The following CFAP107 variants were observed in gnomAD, a reference collection of about 807,000 sequenced individuals.
The protein encoded by CFAP107 is cilia and flagella associated protein 107, also known as cilia- and flagella-associated protein 107.
At chr1:12,755,179 C>T in the CFAP107 span, among the ~76,000 whole-genome samples, 15 of 151,960 alleles carry the variant, frequency 9.9e-5, no homozygotes, top group Non-Finnish European at 1.6e-4. Flanking sequence ...GGCCGAGGCA[C>T]GTGGATCACA....
At chr1:12,758,925 A>G in the CFAP107 span, among the ~76,000 whole-genome samples, 4 of 152,192 alleles carry the variant, frequency 2.6e-5, no homozygotes, top group African/African-American at 7.2e-5. Flanking sequence ...CCTTGCCCTT[A>G]GGAACAGGCT....
the CFAP107 span, among the ~76,000 whole-genome samples, chr1:12,758,444 T>C: frequency 6.6e-6 from 1 of 152,182 alleles, no homozygotes; most frequent in East Asian, 1.9e-4. Flanking sequence ...TACCTGGTGA[T>C]GTGGATCTTG....
At chr1:12,746,959 T>C in the CFAP107 span, among the ~76,000 whole-genome samples, 1 of 152,086 alleles carries the variant, frequency 6.6e-6, no homozygotes, top group African/African-American at 2.4e-5. Context: ...CTTCCCAGAA[T>C]ATGGTATCTC....
At chr1:12,760,649 C>A in the CFAP107 span, 4 of 1,019,638 alleles carry the variant, frequency 3.9e-6, no homozygotes, top group Non-Finnish European at 5.7e-6. Flanking sequence ...GCCTTGGTCC[C>A]TGACAGAGCA....
chr1:12,759,207 A>G, the CFAP107 span: 11 of 1,349,062 alleles, frequency 8.2e-6, no homozygotes, highest in Non-Finnish European at 1.1e-5. Flanking sequence ...CGCTCTCTCC[A>G]TCAGCACCAC....
the CFAP107 span, among the ~76,000 whole-genome samples, chr1:12,753,127 A>C: frequency 6.6e-6 from 1 of 152,216 alleles, no homozygotes; most frequent in Non-Finnish European, 1.5e-5. Flanking sequence ...AGTAACATCA[A>C]AAAATAAAGT....
At chr1:12,755,780 G>C in the CFAP107 span, 1 of 1,613,680 alleles carries the variant, frequency 6.2e-7, no homozygotes, top group Non-Finnish European at 8.5e-7. Flanking sequence ...GACCAGACCA[G>C]ATCTCCAGGT....
At chr1:12,754,610 ACC>A in the CFAP107 span, among the ~76,000 whole-genome samples, 10 of 152,366 alleles carry the variant, frequency 6.6e-5, no homozygotes, top group Admixed American at 6.5e-5. Flanking sequence ...CAACCCAAGT[ACC>A]CACTGATGGA....
At chr1:12,754,972 G>A in the CFAP107 span, among the ~76,000 whole-genome samples, 76 of 152,346 alleles carry the variant, frequency 5.0e-4, no homozygotes, top group African/African-American at 1.6e-3. Flanking sequence ...TCACTGAACC[G>A]TAGAGTTGAA....
chr1:12,759,214 C>A, the CFAP107 span: 1 of 1,419,084 alleles, frequency 7.0e-7, no homozygotes, highest in African/African-American at 1.4e-5. Context: ...TCCATCAGCA[C>A]CACAGACCCC....
At chr1:12,746,645 C>T in the CFAP107 span, 7 of 820,902 alleles carry the variant, frequency 8.5e-6, no homozygotes, top group Admixed American at 1.2e-4. Flanking sequence ...CAGATGATTG[C>T]ATCTTAAAAA....
the CFAP107 span, chr1:12,761,176 G>A: frequency 5.8e-6 from 3 of 512,922 alleles, no homozygotes; most frequent in African/African-American, 5.8e-5. Context: ...ACTATTGCAG[G>A]GCTATGTACG....
chr1:12,759,434 G>C, the CFAP107 span: 1 of 1,614,100 alleles, frequency 6.2e-7, no homozygotes. Context: ...CTCCGCACTT[G>C]GAATGGACAG....
the CFAP107 span, among the ~76,000 whole-genome samples, chr1:12,750,789 C>G: frequency 1.6e-4 from 24 of 150,996 alleles, no homozygotes; most frequent in Non-Finnish European, 3.1e-4. Context: ...TAGAACAACC[C>G]TATAGATCAA....
chr1:12,760,034 T>C, the CFAP107 span, among the ~76,000 whole-genome samples: 3 of 152,060 alleles, frequency 2.0e-5, no homozygotes, highest in African/African-American at 7.2e-5. Context: ...AAATTCCTCC[T>C]TGGAAAAGTG....
chr1:12,751,120 G>A, the CFAP107 span, among the ~76,000 whole-genome samples: 1 of 151,854 alleles, frequency 6.6e-6, no homozygotes, highest in Non-Finnish European at 1.5e-5. Flanking sequence ...AAAACTTATG[G>A]GAGGTAGTGA....
At chr1:12,754,303 C>T in the CFAP107 span, among the ~76,000 whole-genome samples, 1 of 152,158 alleles carries the variant, frequency 6.6e-6, no homozygotes, top group East Asian at 1.9e-4. Context: ...TTAGGGAAAT[C>T]CAAATCAAAA....
the CFAP107 span, among the ~76,000 whole-genome samples, chr1:12,754,583 T>A: frequency 3.3e-5 from 5 of 152,224 alleles, no homozygotes; most frequent in Non-Finnish European, 5.9e-5. Context: ...CTATTCACAG[T>A]AACCAAAAGT....
At chr1:12,763,410 G>A in the CFAP107 span, 1 of 152,218 alleles carries the variant, frequency 6.6e-6, no homozygotes, top group South Asian at 2.1e-4. Flanking sequence ...GGCCTGCCTA[G>A]GTAGGGCCAG....
Sources: allele counts gnomAD v4.1 joint callset (sites outside exome capture counted in the v4.1 genomes callset), GRCh38; gene constraint gnomAD v4.1.1; transcripts MANE v1.5; gene names NCBI Gene and HGNC (gene_info 2026-07-23, HGNC 2026-07-21).